Variants in PARD3B observed in about 807,000 individuals in gnomAD.
The protein encoded by PARD3B is par-3 family cell polarity regulator beta, also known as partitioning defective 3 homolog B.
A neutral mutation model predicts 130.2 loss-of-function variants in PARD3B; 103 were observed. The ratio of observed to expected loss-of-function variants is 0.79; its 90% CI spans 0.67 to 0.93. The LOEUF is 0.93. Ranked by LOEUF, PARD3B falls within the 40% of genes least tolerant of loss-of-function variation. The probability of loss-of-function intolerance (pLI) is 0.00; values close to 1 mark genes in which losing one functional copy is unlikely to be tolerated. For missense variants in PARD3B, 1,609 were observed against 1,499.2 expected (o/e 1.07, Z -1.21); for synonymous variants, 583 against 553.2 (o/e 1.05, Z -0.76).
At chr2:204,763,734 A>T (rs78749878) in intron 2 of PARD3B, among the ~76,000 whole-genome samples, 233 of 152,314 alleles carry the variant, frequency 1.5e-3, no homozygotes, top group African/African-American at 5.3e-3. Flanking sequence ...ATCAAGGATA[A>T]TTCTCCTGTT....
chr2:205,216,836 C>T (rs956847399), intron 15 of PARD3B, among the ~76,000 whole-genome samples: 1 of 152,112 alleles, frequency 6.6e-6, no homozygotes, highest in Admixed American at 6.5e-5. Context: ...AGCAGGAGTT[C>T]ATTTGTCTTA....
Position 205,121,892 on chromosome 2 carries a change from C to G in PARD3B, c.1108C>G (p.Leu370Val), listed in dbSNP as rs779714124. Residue 370 changes from leucine to valine, a missense_variant, in exon 8 of 23, where the codon CTC (leucine) becomes GTC (valine). By Grantham distance (32) the Leu-to-Val change is conservative. Transcript: ENST00000406610. This position sits in a 1 kb window ranked among gnomAD's most constrained non-coding sequence, Gnocchi z 5.0. ...ACCATCCTCTCCCTCACTCTCGCCT[C>G]TCATGGGATTTGGCAGCAATAAAAA... is the stretch of plus-strand genomic sequence containing the variant. Reference protein sequence around the residue: ...GKPSSPSLSPLMGFGSNKNAK... With the variant: ...GKPSSPSLSPVMGFGSNKNAK... 6.2e-7 allele frequency: 1 copy of G among 1,613,886 alleles called. No individual in the cohort carries two copies. The highest frequency in any genetic ancestry group is 1.1e-5 in the South Asian group (1 of 91,036).
intron 2 of PARD3B, among the ~76,000 whole-genome samples, chr2:204,893,487 A>T (rs2046524272): frequency 6.6e-6 from 1 of 152,224 alleles, no homozygotes; most frequent in African/African-American, 2.4e-5. Context: ...AAGCAAATGC[A>T]TGTATTTAAA....
intron 2 of PARD3B, among the ~76,000 whole-genome samples, chr2:204,788,960 T>C (rs945973378): frequency 1.6e-4 from 24 of 152,238 alleles, no homozygotes; most frequent in African/African-American, 4.6e-4. Flanking sequence ...TTTAGAACTT[T>C]AGACGAATTT....
At chr2:204,558,530 A>G (rs2031088118) in intron 1 of PARD3B, among the ~76,000 whole-genome samples, 1 of 152,222 alleles carries the variant, frequency 6.6e-6, no homozygotes. Flanking sequence ...ACACTGCTCG[A>G]CAAAATAAAA....
intron 4 of PARD3B, among the ~76,000 whole-genome samples, chr2:205,101,415 AC>A (rs1702782621): frequency 6.6e-6 from 1 of 152,184 alleles, no homozygotes; most frequent in African/African-American, 2.4e-5. Flanking sequence ...AGATATTAAA[AC>A]CCTCATGTAT....
intron 1 of PARD3B, among the ~76,000 whole-genome samples, chr2:204,561,949 A>G (rs892809400): frequency 1.3e-5 from 2 of 152,096 alleles, no homozygotes; most frequent in Admixed American, 1.3e-4. Context: ...GTCTCAAACA[A>G]TGGCAAGGGA....
In PARD3B at chr2:204,878,438, G is replaced by A. The variant is rs555402648; in HGVS notation, c.223-86714G>A. Among the ~76,000 whole-genome samples the A allele has an allele frequency of 1.4e-4, 21 of 152,144 alleles. 1 individual carries two copies. In the South Asian group the frequency reaches 3.9e-3, roughly 29 times the overall value. The stretch of plus-strand genomic sequence containing the variant: ...AATGATTTTGAACTGTAGAGATAAA[G>A]TCTAATCTTAAATGGATTCTTTTGC... On this transcript the variant is annotated intron_variant, in intron 2 of 22. Transcript: ENST00000406610.
At chr2:204,770,922 C>T (rs942976980) in intron 2 of PARD3B, among the ~76,000 whole-genome samples, 6 of 152,064 alleles carry the variant, frequency 3.9e-5, no homozygotes, top group African/African-American at 1.4e-4. Context: ...AGCCTGAGCT[C>T]TGCTTTTCCT....
intron 1 of PARD3B, among the ~76,000 whole-genome samples, chr2:204,556,993 TG>T (rs1337978494): frequency 6.6e-6 from 1 of 150,834 alleles, no homozygotes; most frequent in African/African-American, 2.5e-5. Flanking sequence ...TCTCTACTCA[TG>T]GGCTTTTCAG....
At chr2:204,998,356 ATATGTGTGTGTGTGTGTG>A (rs1559341444) in intron 3 of PARD3B, among the ~76,000 whole-genome samples, 856 of 64,848 alleles carry the variant, frequency 0.013, 28 homozygotes, top group Non-Finnish European at 0.015. Flanking sequence ...ATATATATAT[ATATGTGTGTGTGTGTGTG>A]TATATATGTG....
At position 205,301,826 on chromosome 2, in the gene PARD3B, TC is replaced by T; in HGVS notation, c.2630+126del. 5 of 1,432,434 alleles carry T rather than the reference TC, an allele frequency of 3.5e-6. No individual in the cohort carries two copies. The highest frequency in any genetic ancestry group is 4.9e-6 in the Non-Finnish European group (5 of 1,014,564). 88.7% of individuals were successfully genotyped at this position (1,432,434 alleles called of 1,614,324 possible). ...GTCTTCAGCCAAATGCATACGGCTC[TC>T]AATTCTGTGCTCGTTCTCTTTCTGC... On this transcript the variant is annotated intron_variant, in intron 18 of 22. Transcript: ENST00000406610. The surrounding 1 kb of genome is among the most constrained non-coding windows in gnomAD (Gnocchi z 5.2).
At chr2:205,010,143 G>A (rs1695600321) in intron 3 of PARD3B, among the ~76,000 whole-genome samples, 2 of 152,274 alleles carry the variant, frequency 1.3e-5, no homozygotes, top group Non-Finnish European at 1.5e-5. Context: ...AGAGAGAGAA[G>A]GAGTGGAGAG....
At chr2:204,785,965 A>G (rs758784365) in intron 2 of PARD3B, among the ~76,000 whole-genome samples, 6 of 152,012 alleles carry the variant, frequency 3.9e-5, no homozygotes, top group Admixed American at 6.6e-5. Context: ...ATACAAAAAA[A>G]TAGCTGGGCG....
intron 20 of PARD3B, among the ~76,000 whole-genome samples, chr2:205,476,393 A>G (rs948694222): frequency 2.0e-5 from 3 of 152,150 alleles, no homozygotes; most frequent in Non-Finnish European, 4.4e-5. Context: ...AGCCACAGTA[A>G]GTAGGCTTCT....
At chr2:205,600,809 C>T (rs2054755068) in intron 22 of PARD3B, among the ~76,000 whole-genome samples, 1 of 152,182 alleles carries the variant, frequency 6.6e-6, no homozygotes. Context: ...CCAGCTCCAT[C>T]CACGTCCCTG....
rs1302323902 is a variant in PARD3B at position 205,287,463 on chromosome 2, T to A, written c.2186-13067T>A. The stretch of plus-strand genomic sequence containing the variant: ...AGATGGCTGCCAGAAGCTCCAGGCT[T>A]AGATTCTCCCAGTAACCCCAGTAAC... On this transcript the variant is annotated intron_variant, in intron 16 of 22. Transcript: ENST00000406610. The surrounding 1 kb of genome is among the most constrained non-coding windows in gnomAD (Gnocchi z 4.8). Among the ~76,000 whole-genome samples, 1 of 152,090 alleles carries A rather than the reference T, an allele frequency of 6.6e-6. No homozygotes were observed. Among genetic ancestry groups the A allele is most frequent in the African/African-American group, 2.4e-5 (1 of 41,410 alleles).
At chr2:205,192,012 C>T (rs924819749) in intron 14 of PARD3B, among the ~76,000 whole-genome samples, 5 of 152,156 alleles carry the variant, frequency 3.3e-5, no homozygotes, top group Non-Finnish European at 7.3e-5. Flanking sequence ...TGCCACCACA[C>T]CTGGCTAAAC....
chr2:204,675,044 T>A lies in PARD3B; in HGVS notation c.121-11137T>A, dbSNP rs1190535599. On this transcript the variant is annotated intron_variant, in intron 1 of 22. Transcript: ENST00000406610. This position sits in a 1 kb window ranked among gnomAD's most constrained non-coding sequence, Gnocchi z 4.4. The stretch of plus-strand genomic sequence containing the variant: ...TCTTTGGAGAGATGGCTCCTTCCAC[T>A]TTTTAGGTGTAGGCTTTGAATTCCT... Among the ~76,000 whole-genome samples, 1 of 152,186 alleles carries A rather than the reference T, an allele frequency of 6.6e-6. No homozygotes were observed. Among genetic ancestry groups the A allele is most frequent in the Non-Finnish European group, 1.5e-5 (1 of 68,024 alleles).
Sources: gnomAD v4.1 joint callset for allele counts (sites outside exome capture counted in the v4.1 genomes callset) on GRCh38, gnomAD v4.1.1 for gene constraint, Gnocchi (gnomAD v3.1) non-coding constraint, MANE v1.5 for transcripts, NCBI Gene and HGNC (gene_info 2026-07-23, HGNC 2026-07-21) for gene names.